Variants in IPCEF1 observed in about 807,000 individuals in gnomAD.
IPCEF1 encodes the protein interactor protein for cytohesin exchange factors 1.
In IPCEF1, 31 loss-of-function variants were observed where a neutral mutation model predicts 50.9. The ratio of observed to expected loss-of-function variants is 0.61; its 90% CI spans 0.46 to 0.82. The LOEUF is 0.82. Among genes scored for constraint, IPCEF1 ranks in the 40% least tolerant of loss-of-function variants. The pLI is 0.00. For synonymous variants in IPCEF1, 181 were observed against 192.0 expected, an observed-to-expected ratio of 0.94 and a Z score of 0.47; for missense variants, 458 against 514.0, an observed-to-expected ratio of 0.89 and a Z score of 1.05.
chr6:154,225,352 TA>T (rs1459650282), intron 5 of IPCEF1, among the ~76,000 whole-genome samples: 1 of 152,134 alleles, frequency 6.6e-6, no homozygotes, highest in East Asian at 1.9e-4. Flanking sequence ...AAATGCCCAT[TA>T]ACAGATAAAT....
chr6:154,211,171 C>G (rs1459305868), intron 9 of IPCEF1, among the ~76,000 whole-genome samples: 7 of 152,124 alleles, frequency 4.6e-5, no homozygotes, highest in Non-Finnish European at 7.3e-5. Flanking sequence ...AATCCCAGCA[C>G]TTTGGGAGGC....
At chr6:154,188,964 G>A (rs1801623496) in intron 10 of IPCEF1, among the ~76,000 whole-genome samples, 1 of 151,830 alleles carries the variant, frequency 6.6e-6, no homozygotes, top group African/African-American at 2.4e-5. Context: ...ATAAAGGAAA[G>A]GATAGATAAT....
rs573239327 is a variant in IPCEF1, at chr6:154,236,324, T to C, written c.246+10267A>G. 2.6e-5 allele frequency among the ~76,000 whole-genome samples: 4 copies of C among 152,250 alleles called. No homozygotes were observed. In the South Asian group the frequency reaches 6.2e-4, roughly 24 times the overall value. On this transcript the variant is annotated intron_variant, in intron 5 of 11. Coordinates refer to ENST00000367220, the MANE Select transcript of IPCEF1 (RefSeq NM_001130700.2). The stretch of plus-strand genomic sequence containing the variant: ...GATAAATATTGTATGATTCCACTTA[T>C]AGGAGGGAACTACAGTAGTCAAATT...
In IPCEF1 at chr6:154,168,242, A is replaced by G. The variant is rs1799593110; in HGVS notation, c.911-129T>C. 3.1e-6 allele frequency: 2 copies of G among 646,888 alleles called. No individual in the cohort carries two copies. Among genetic ancestry groups the G allele is most frequent in the Non-Finnish European group, 2.5e-6 (1 of 398,532 alleles). The allele number at this position is 646,888 out of a possible 1,614,324, so 40.1% of individuals were successfully genotyped here. On this transcript the variant is annotated intron_variant, in intron 10 of 11. Transcript: ENST00000367220. This position sits in a 1 kb window ranked among gnomAD's most constrained non-coding sequence, Gnocchi z 4.1. ...CATCTCAGACTTCTCTCCGGAACTG[A>G]AAGACAATAAATGTTTGCTGTCTAA...
intron 3 of IPCEF1, among the ~76,000 whole-genome samples, chr6:154,253,179 A>G (rs1358549596): frequency 6.6e-6 from 1 of 151,362 alleles, no homozygotes; most frequent in Non-Finnish European, 1.5e-5. Context: ...GATGTTGATC[A>G]TTTCCTTGCT....
chr6:154,308,225 A>T (rs2128679005), intron 1 of IPCEF1, among the ~76,000 whole-genome samples: 1 of 152,286 alleles, frequency 6.6e-6, no homozygotes, highest in African/African-American at 2.4e-5. Context: ...AGCGATCCTC[A>T]AACCCCAGCT....
At chr6:154,191,799 T>C (rs1801913902) in intron 10 of IPCEF1, among the ~76,000 whole-genome samples, 1 of 152,162 alleles carries the variant, frequency 6.6e-6, no homozygotes, top group South Asian at 2.1e-4. Context: ...ACCATACTAA[T>C]GCAAGGTGTT....
chr6:154,280,466 TA>T (rs1294034523), intron 2 of IPCEF1, among the ~76,000 whole-genome samples: 1 of 152,108 alleles, frequency 6.6e-6, no homozygotes, highest in African/African-American at 2.4e-5. Flanking sequence ...AATGAATAAA[TA>T]AATTGTGGTA....
intron 10 of IPCEF1, among the ~76,000 whole-genome samples, chr6:154,198,508 G>A (rs1776805299): frequency 6.6e-6 from 1 of 152,142 alleles, no homozygotes; most frequent in African/African-American, 2.4e-5. Flanking sequence ...TGCCATCAGA[G>A]GCCAGGCAGG....
chr6:154,177,474 C>A (rs6932123), intron 10 of IPCEF1, among the ~76,000 whole-genome samples: 53,082 of 152,016 alleles, frequency 0.35, 9,641 homozygotes, highest in Middle Eastern at 0.47. Flanking sequence ...AGAAAGTGGG[C>A]AAAGGACATG....
At chr6:154,199,493 G>A (rs1202349996) in intron 10 of IPCEF1, among the ~76,000 whole-genome samples, 175 bp downstream of exon 10, 1 of 152,228 alleles carries the variant, frequency 6.6e-6, no homozygotes, top group Non-Finnish European at 1.5e-5. Flanking sequence ...CCTAGTAGCT[G>A]GAGTTGTCCA....
intron 9 of IPCEF1, among the ~76,000 whole-genome samples, chr6:154,210,967 A>G (rs1777911179): frequency 6.6e-6 from 1 of 152,346 alleles, no homozygotes; most frequent in South Asian, 2.1e-4. Flanking sequence ...ATAATACCTT[A>G]AATCCAGGAA....
At chr6:154,234,222 A>C (rs751221885) in intron 5 of IPCEF1, among the ~76,000 whole-genome samples, 1 of 151,978 alleles carries the variant, frequency 6.6e-6, no homozygotes, top group Non-Finnish European at 1.5e-5. Flanking sequence ...TAAATAAACA[A>C]ATCAATATCC....
At chr6:154,323,001 T>C (rs1254601276) in intron 1 of IPCEF1, among the ~76,000 whole-genome samples, 1 of 152,236 alleles carries the variant, frequency 6.6e-6, no homozygotes, top group Non-Finnish European at 1.5e-5. Context: ...TTGAACATTA[T>C]TAAATATTAT....
intron 11 of IPCEF1, among the ~76,000 whole-genome samples, chr6:154,165,030 T>C (rs910551769): frequency 3.3e-5 from 5 of 152,224 alleles, no homozygotes; most frequent in African/African-American, 1.2e-4. Flanking sequence ...TAAACATTAT[T>C]GTTAAAACAG....
chr6:154,176,941 G>C (rs1800384031), intron 10 of IPCEF1, among the ~76,000 whole-genome samples: 1 of 152,100 alleles, frequency 6.6e-6, no homozygotes. Flanking sequence ...CTAAAACAGA[G>C]ATATAGACCA....
intron 2 of IPCEF1, among the ~76,000 whole-genome samples, chr6:154,273,376 C>T (rs1193591623): frequency 1.3e-5 from 2 of 152,196 alleles, no homozygotes; most frequent in African/African-American, 2.4e-5. Flanking sequence ...CGTCCACACT[C>T]TACTGGAGAC....
chr6:154,221,617 T>A (rs1778865571), intron 6 of IPCEF1, among the ~76,000 whole-genome samples: 2 of 152,166 alleles, frequency 1.3e-5, no homozygotes, highest in African/African-American at 4.8e-5. Flanking sequence ...CTCACGCCTG[T>A]AATCCTAGCA....
At chr6:154,294,930 A>G (rs1488123980) in intron 1 of IPCEF1, among the ~76,000 whole-genome samples, 3 of 152,144 alleles carry the variant, frequency 2.0e-5, no homozygotes, top group Non-Finnish European at 4.4e-5. Flanking sequence ...CGGGCGTGGT[A>G]ACTCATGCCT....
Sources: gnomAD v4.1 joint callset for allele counts (sites outside exome capture counted in the v4.1 genomes callset) on GRCh38, gnomAD v4.1.1 for gene constraint, Gnocchi (gnomAD v3.1) non-coding constraint, MANE v1.5 for transcripts, NCBI Gene and HGNC (gene_info 2026-07-23, HGNC 2026-07-21) for gene names.